Variants in FANCI observed in about 807,000 individuals in gnomAD.
The protein encoded by FANCI is FA complementation group I.
Under a neutral mutation model 176.1 loss-of-function variants are expected in FANCI, and 156 were observed. That is an observed-to-expected ratio of 0.89 (90% CI 0.78 to 1.01). The LOEUF is 1.01. Among genes scored for constraint, FANCI ranks in the 50% least tolerant of loss-of-function variants. The pLI is 0.00. For synonymous variants in FANCI, 613 were observed against 541.7 expected, an observed-to-expected ratio of 1.13 and a Z score of -1.83; for missense variants, 1,678 against 1,534.1, an observed-to-expected ratio of 1.09 and a Z score of -1.57.
chr15:89,280,720 A>ACC (rs1567156693), intron 14 of FANCI, among the ~76,000 whole-genome samples: 2 of 152,152 alleles, frequency 1.3e-5, no homozygotes, highest in African/African-American at 4.8e-5. Context: ...TCTGTGATTT[A>ACC]CCTCTTTAAT....
intron 9 of FANCI, among the ~76,000 whole-genome samples, chr15:89,264,947 G>T (rs2052875887): frequency 1.3e-5 from 2 of 152,202 alleles, no homozygotes; most frequent in South Asian, 4.1e-4. Context: ...TTAGTGAGAA[G>T]AGGAAAGAAA....
chr15:89,248,914 A>T (rs1312638753), intron 2 of FANCI, among the ~76,000 whole-genome samples: 1 of 152,214 alleles, frequency 6.6e-6, no homozygotes, highest in African/African-American at 2.4e-5. Context: ...TAGGCCAGGC[A>T]TGGTGACTTA....
At position 89,292,927 on chromosome 15, in the gene FANCI, T is replaced by C; in HGVS notation, c.2170-15T>C. 1 of 1,614,128 alleles carries C rather than the reference T, an allele frequency of 6.2e-7. No homozygotes were observed. Among genetic ancestry groups the C allele is most frequent in the Non-Finnish European group, 8.5e-7 (1 of 1,180,006 alleles). Reference sequence around the variant, plus strand: ...TTCTTTAGTAGCTTGTTAATTTTTATCTTGTGTCTTTTAGGATAAATCAGC... The same window carrying C: ...TTCTTTAGTAGCTTGTTAATTTTTACCTTGTGTCTTTTAGGATAAATCAGC... On this transcript the variant is annotated splice_polypyrimidine_tract_variant and intron_variant, in intron 21 of 37. Transcript: ENST00000310775.
rs2054797327 is a variant in FANCI at position 89,308,092 on chromosome 15, TGTAA to T, written c.3651+423_3651+426del. 4.4e-6 allele frequency: 5 copies of T among 1,124,028 alleles called. No individual in the cohort carries two copies. The African/African-American group carries it at 4.9e-5, about 11-fold the overall frequency. 69.6% of individuals were successfully genotyped at this position (1,124,028 alleles called of 1,614,324 possible). On this transcript the variant is annotated intron_variant, in intron 34 of 37. Transcript: ENST00000310775. ...TCAGGGAAGTGGAAGGACGTGGCTTTGTAAGTGTCATTTGGTCCTAAATACCATC... is the reference window on the plus strand; with the variant it reads ...TCAGGGAAGTGGAAGGACGTGGCTTTGTGTCATTTGGTCCTAAATACCATC...
Position 89,263,465 on chromosome 15 carries a change from G to A in FANCI, c.545+5G>A, listed in dbSNP as rs1250835188. 1 of 1,611,238 alleles carries A rather than the reference G, an allele frequency of 6.2e-7. No individual in the cohort carries two copies. Among genetic ancestry groups the A allele is most frequent in the South Asian group, 1.1e-5 (1 of 91,008 alleles). On this transcript the variant is annotated splice_donor_5th_base_variant and intron_variant, in intron 7 of 37. Transcript: ENST00000310775. Reference sequence around the variant, plus strand: ...CCAACTCACCTCCATGTTCAAGTAAGCATCATCTTTTCCCTTTTCTTTGTG... The same window carrying A: ...CCAACTCACCTCCATGTTCAAGTAAACATCATCTTTTCCCTTTTCTTTGTG...
intron 18 of FANCI, among the ~76,000 whole-genome samples, chr15:89,288,709 C>A (rs2053928308): frequency 6.6e-6 from 1 of 151,430 alleles, no homozygotes; most frequent in Non-Finnish European, 1.5e-5. Flanking sequence ...GCCTCCAGCT[C>A]CTAGGCTCAA....
At chr15:89,306,842 A>C (rs2054741524) in intron 32 of FANCI, among the ~76,000 whole-genome samples, 1 of 152,222 alleles carries the variant, frequency 6.6e-6, no homozygotes, top group Non-Finnish European at 1.5e-5. Context: ...ATCTGGGCCC[A>C]TAATGCATAG....
At chr15:89,251,630 C>G (rs1259931345) in intron 2 of FANCI, among the ~76,000 whole-genome samples, 2 of 152,068 alleles carry the variant, frequency 1.3e-5, no homozygotes, top group Non-Finnish European at 2.9e-5. Flanking sequence ...GGACAGATTG[C>G]AACACCACAT....
chr15:89,262,214 A>G (rs1596244506), intron 6 of FANCI, among the ~76,000 whole-genome samples: 1 of 152,012 alleles, frequency 6.6e-6, no homozygotes, highest in Non-Finnish European at 1.5e-5. Flanking sequence ...AGGCTGGGAA[A>G]GTCACCCTGC....
intron 11 of FANCI, 96 bp from the exon 12 acceptor site, chr15:89,274,072 T>C: frequency 1.1e-6 from 1 of 950,454 alleles, no homozygotes; most frequent in Non-Finnish European, 1.6e-6. Context: ...ATGAGCTATA[T>C]AATATTTGCT....
chr15:89,284,559 C>T (rs1025887115), intron 17 of FANCI, among the ~76,000 whole-genome samples: 2 of 152,198 alleles, frequency 1.3e-5, no homozygotes, highest in Non-Finnish European at 2.9e-5. Flanking sequence ...AAGGATTTGG[C>T]CTCAGGCAGT....
At chr15:89,268,371 G>T (rs1473095925) in intron 9 of FANCI, 28 bp from the exon 10 acceptor site, 1 of 1,613,576 alleles carries the variant, frequency 6.2e-7, no homozygotes, top group Non-Finnish European at 8.5e-7. Flanking sequence ...GCACCTTATA[G>T]CTCATAACTT....
chr15:89,270,729 C>T (rs1435126261), intron 10 of FANCI, among the ~76,000 whole-genome samples: 1 of 152,054 alleles, frequency 6.6e-6, no homozygotes. Context: ...TTGTTTTGAG[C>T]ACAAAATTAC....
In FANCI at chr15:89,299,906, A is replaced by C; in HGVS notation, c.2743A>C (p.Ile915Leu). The C allele has an allele frequency of 6.2e-7, 1 of 1,614,102 alleles. No individual in the cohort carries two copies. The highest frequency in any genetic ancestry group is 8.5e-7 in the Non-Finnish European group (1 of 1,179,996). Residue 915 changes from isoleucine to leucine, a missense_variant, in exon 25 of 38, where the codon ATA becomes CTA. Ile to Leu is a conservative substitution (Grantham distance 5). Around this residue, in one of 3 missense-constraint regions of FANCI, gnomAD observed 1,204 missense variants for 1,077.4 expected, o/e 1.12. Transcript: ENST00000310775. ...GCTGTGCTTGGAGGGTTTACAGAAAATATTCAGTGCTGTGCAACAGTTCTA... is the reference window on the plus strand; with the variant it reads ...GCTGTGCTTGGAGGGTTTACAGAAACTATTCAGTGCTGTGCAACAGTTCTA... ...SLLCLEGLQK[I>L]FSAVQQFYQP...
intron 1 of FANCI, among the ~76,000 whole-genome samples, chr15:89,244,645 C>G (rs2051863719): frequency 6.6e-6 from 1 of 152,236 alleles, no homozygotes; most frequent in African/African-American, 2.4e-5. Flanking sequence ...TGGCTGGACA[C>G]CTTTTTAGGT....
At chr15:89,264,765 C>A in intron 9 of FANCI, 158 bp downstream of exon 9, 1 of 605,786 alleles carries the variant, frequency 1.7e-6, no homozygotes, top group South Asian at 1.7e-5. Flanking sequence ...AAGAGAATAA[C>A]ATGATCTCTT....
intron 5 of FANCI, 35 bp downstream of exon 5, chr15:89,261,776 A>T (rs753552933): frequency 2.5e-6 from 4 of 1,614,164 alleles, no homozygotes; most frequent in Non-Finnish European, 3.4e-6. Context: ...CTTTTTCTCT[A>T]TGCACATAAT....
chr15:89,317,258 A>C (rs2055302409), downstream of FANCI: 1 of 852,186 alleles, frequency 1.2e-6, no homozygotes, highest in Non-Finnish European at 2.0e-6. Flanking sequence ...ATTAGCCTAG[A>C]ATATAGCCTG....
chr15:89,249,554 T>G (rs1433482114), intron 2 of FANCI, among the ~76,000 whole-genome samples: 4 of 152,050 alleles, frequency 2.6e-5, no homozygotes, highest in Admixed American at 2.6e-4. Flanking sequence ...CGCCATGCTT[T>G]CCAGGCTGGT....
Sources: allele counts gnomAD v4.1 joint callset (sites outside exome capture counted in the v4.1 genomes callset), GRCh38; gene constraint gnomAD v4.1.1; regional missense constraint gnomAD v4.1.1; transcripts MANE v1.5; gene names NCBI Gene and HGNC (gene_info 2026-07-23, HGNC 2026-07-21).